The following OPRM1 variants were observed in gnomAD, a reference collection of about 807,000 sequenced individuals.
The protein encoded by OPRM1 is opioid receptor mu 1, also known as mu-type opioid receptor.
In OPRM1, 27 loss-of-function variants were observed where a neutral mutation model predicts 31.8. That is an observed-to-expected ratio of 0.85 (90% CI 0.63 to 1.17). The LOEUF is 1.17. OPRM1 is among the 50% of genes most tolerant of loss of function. The pLI is 0.00. For missense variants in OPRM1, 536 were observed against 511.1 expected, an observed-to-expected ratio of 1.05 and a Z score of -0.47; for synonymous variants, 196 against 189.9, an observed-to-expected ratio of 1.03 and a Z score of -0.26.
At position 154,129,752 on chromosome 6, in the gene OPRM1, C is replaced by A. The variant is rs553545444; in HGVS notation, c.*11031C>A. On this transcript the variant is annotated 3_prime_UTR_variant, in exon 4 of 4. Transcript: ENST00000330432. ...ACAGCTGCTCAAGCTTTTGAAGACT[C>A]CTGTGATTTTTTTAAATGGCTGGTT... Among the ~76,000 whole-genome samples the A allele has an allele frequency of 2.6e-4, 39 of 151,788 alleles. 1 individual carries two copies. In the South Asian group the frequency reaches 7.7e-3, roughly 30 times the overall value.
At chr6:154,181,155 C>T (rs1322003377) in intron 3 of OPRM1, among the ~76,000 whole-genome samples, 1 of 151,956 alleles carries the variant, frequency 6.6e-6, no homozygotes, top group Non-Finnish European at 1.5e-5. Context: ...GATTTGAAAT[C>T]ATAATGATAT....
At chr6:154,062,875 G>A (rs1262109750) in intron 1 of OPRM1, among the ~76,000 whole-genome samples, 3 of 151,936 alleles carry the variant, frequency 2.0e-5, no homozygotes, top group Non-Finnish European at 2.9e-5. Context: ...TGGACAAATC[G>A]AATTTGAAAT....
rs1336188792 is a variant in OPRM1 at position 154,039,823 on chromosome 6, T to C, written c.279T>C (p.Tyr93=). ...VGLFGNFLVM[Y]VIVRYTKMKT... ...TCTTCGGAAACTTCCTGGTCATGTA[T>C]GTGATTGTCAGGTAAGGAAAGCGCC... The change falls in exon 1 of 4, where the codon TAT becomes TAC. Residue 93 remains tyrosine, a synonymous_variant. Coordinates refer to ENST00000330432, the MANE Select transcript of OPRM1 (RefSeq NM_000914.5). The C allele has an allele frequency of 6.3e-7, 1 of 1,584,514 alleles. No homozygotes were observed. Among genetic ancestry groups the C allele is most frequent in the Non-Finnish European group, 8.5e-7 (1 of 1,169,790 alleles).
intron 3 of OPRM1, 108 bp from the exon 4 acceptor site, chr6:154,118,575 A>G (rs1420747645): frequency 8.3e-6 from 8 of 965,928 alleles, no homozygotes; most frequent in Admixed American, 2.0e-5. Context: ...AGGTGAAAGT[A>G]TACATGAAGG....
At chr6:154,039,183 C>T, upstream of OPRM1, 1 of 1,551,666 alleles carries the variant, frequency 6.4e-7, no homozygotes, top group Non-Finnish European at 8.7e-7. Context: ...AGAAGAGTGC[C>T]CAGTGAAGAG....
chr6:154,062,577 T>C (rs1784630973), intron 1 of OPRM1, among the ~76,000 whole-genome samples: 3 of 152,006 alleles, frequency 2.0e-5, no homozygotes, highest in Admixed American at 1.3e-4. Flanking sequence ...GAAAAAAAAA[T>C]CTCAATAAGC....
At chr6:154,107,655 G>A (rs1486477723) in intron 3 of OPRM1, 4 of 718,386 alleles carry the variant, frequency 5.6e-6, no homozygotes, top group Non-Finnish European at 1.0e-5. Context: ...CTGTTCCCTT[G>A]AAGGTGGAGA....
At position 154,084,712 on chromosome 6, in the gene OPRM1, C is replaced by T. The variant is rs530094499; in HGVS notation, c.291-5114C>T. Among the ~76,000 whole-genome samples the T allele has an allele frequency of 1.8e-3, 280 of 152,106 alleles. 1 individual carries two copies. The highest frequency in any genetic ancestry group is 3.5e-3 in the South Asian group (17 of 4,812). ...TGGCAAATGCAAGAAATATATCTTT[C>T]CAAGCACATTGCTGAACATATAAAA... On this transcript the variant is annotated intron_variant, in intron 1 of 3. Coordinates refer to ENST00000330432, the MANE Select transcript of OPRM1 (RefSeq NM_000914.5).
intron 1 of OPRM1, among the ~76,000 whole-genome samples, chr6:154,047,623 A>G (rs1200403547): frequency 1.3e-5 from 2 of 152,338 alleles, no homozygotes; most frequent in African/African-American, 4.8e-5. Flanking sequence ...GGGCTTTCCC[A>G]TAAGATGAAG....
At chr6:154,063,235 G>A (rs1329453121) in intron 1 of OPRM1, among the ~76,000 whole-genome samples, 4 of 151,820 alleles carry the variant, frequency 2.6e-5, no homozygotes, top group Admixed American at 6.6e-5. Context: ...CAATAATCAC[G>A]GTTGTCTAAG....
chr6:154,149,921 C>T lies in OPRM1; in HGVS notation c.1164+58449C>T, dbSNP rs887401081. ...CCCTCACAGCGTCTCCTACTGACAG[C>T]TCCCACCTCCACAGGACAGCCACCA... On this transcript the variant is annotated intron_variant, in intron 3 of 3. Coordinates refer to the OPRM1 transcript ENST00000337049. Among the ~76,000 whole-genome samples the T allele has an allele frequency of 2.6e-5, 4 of 152,328 alleles. No homozygotes were observed. The South Asian group carries it at 8.3e-4, about 32-fold the overall frequency.
intron 3 of OPRM1, among the ~76,000 whole-genome samples, chr6:154,144,748 C>CAAAA (rs58367883): frequency 3.8e-4 from 27 of 70,482 alleles, no homozygotes; most frequent in Non-Finnish European, 5.4e-4. Flanking sequence ...GACTCTGTCT[C>CAAAA]AAAAAAAAAA....
intron 3 of OPRM1, among the ~76,000 whole-genome samples, chr6:154,244,252 T>C (rs572596138): frequency 6.6e-6 from 1 of 152,058 alleles, no homozygotes; most frequent in East Asian, 1.9e-4. Flanking sequence ...GAGTAGCCTT[T>C]TTTCCCTCAC....
At chr6:154,241,602 C>G (rs1780597737) in intron 3 of OPRM1, among the ~76,000 whole-genome samples, 1 of 151,996 alleles carries the variant, frequency 6.6e-6, no homozygotes, top group African/African-American at 2.4e-5. Flanking sequence ...TTCTTCATAC[C>G]TCACCCCTTT....
At chr6:154,091,699 TG>T (rs1165135717) in intron 3 of OPRM1, 53 of 1,291,450 alleles carry the variant, frequency 4.1e-5, no homozygotes, top group Non-Finnish European at 4.2e-5. Flanking sequence ...GAGAAATCCA[TG>T]AAACTATTCA....
chr6:154,241,416 A>G (rs1430396391), intron 3 of OPRM1, among the ~76,000 whole-genome samples: 1 of 152,150 alleles, frequency 6.6e-6, no homozygotes, highest in Non-Finnish European at 1.5e-5. Context: ...AACAATGTAC[A>G]AAACTAAAAT....
chr6:154,138,771 G>A (rs1031599019), intron 3 of OPRM1, among the ~76,000 whole-genome samples: 5 of 152,190 alleles, frequency 3.3e-5, no homozygotes, highest in South Asian at 2.1e-4. Context: ...GGTACTAGAC[G>A]ACTAACATTA....
chr6:154,160,763 C>T (rs1339280777), intron 3 of OPRM1, among the ~76,000 whole-genome samples: 1 of 152,118 alleles, frequency 6.6e-6, no homozygotes, highest in East Asian at 1.9e-4. Context: ...AATATTCAGC[C>T]CTGACAATTG....
chr6:154,205,372 A>C (rs1482336133), intron 3 of OPRM1, among the ~76,000 whole-genome samples: 1 of 152,132 alleles, frequency 6.6e-6, no homozygotes, highest in Non-Finnish European at 1.5e-5. Context: ...AAACAGGTGG[A>C]TCACTTGAGG....
Sources: gnomAD v4.1 joint callset for allele counts (sites outside exome capture counted in the v4.1 genomes callset) on GRCh38, gnomAD v4.1.1 for gene constraint, MANE v1.5 for transcripts, NCBI Gene and HGNC (gene_info 2026-07-23, HGNC 2026-07-21) for gene names.